The following OSBPL9 variants were observed in gnomAD, a reference collection of about 807,000 sequenced individuals.
OSBPL9 encodes oxysterol binding protein like 9, also known as oxysterol-binding protein-related protein 9.
In OSBPL9, 40 loss-of-function variants were observed where a neutral mutation model predicts 106.6. The ratio of observed to expected loss-of-function variants is 0.38; its 90% confidence interval spans 0.29 to 0.49. The LOEUF is 0.49. Ranked by LOEUF, OSBPL9 falls within the 20% of genes least tolerant of loss-of-function variation. OSBPL9 has a pLI of 0.97. For missense variants in OSBPL9, 609 were observed against 887.2 expected, an observed-to-expected ratio of 0.69 and a Z score of 3.98; for synonymous variants, 269 against 295.4, an observed-to-expected ratio of 0.91 and a Z score of 0.92.
At chr1:51,663,442 C>T (rs1647612138) in intron 2 of OSBPL9, among the ~76,000 whole-genome samples, 1 of 151,984 alleles carries the variant, frequency 6.6e-6, no homozygotes, top group Admixed American at 6.6e-5. Context: ...TTCCTCTGCC[C>T]CTTTGGGGAT....
chr1:51,713,605 A>T (rs115182001), intron 3 of OSBPL9, among the ~76,000 whole-genome samples: 1 of 152,202 alleles, frequency 6.6e-6, no homozygotes, highest in Admixed American at 6.5e-5. Flanking sequence ...CAATGCCTCC[A>T]TGAGAAGTGT....
At chr1:51,668,863 A>T (rs1166152930) in intron 2 of OSBPL9, among the ~76,000 whole-genome samples, 1 of 152,200 alleles carries the variant, frequency 6.6e-6, no homozygotes, top group Admixed American at 6.5e-5. Context: ...CTGTAGGAAG[A>T]TGCTGACATA....
intron 2 of OSBPL9, among the ~76,000 whole-genome samples, chr1:51,662,710 C>G (rs577437017): frequency 2.7e-5 from 4 of 150,422 alleles, no homozygotes; most frequent in Non-Finnish European, 5.9e-5. Context: ...GCAAGATAAG[C>G]AGATACAAAG....
At chr1:51,666,405 T>C (rs1648523103) in intron 2 of OSBPL9, among the ~76,000 whole-genome samples, 2 of 152,238 alleles carry the variant, frequency 1.3e-5, no homozygotes, top group South Asian at 2.1e-4. Flanking sequence ...AAAAGTGAAA[T>C]TGCTTGGTGT....
chr1:51,746,890 C>T (rs1668093385), intron 6 of OSBPL9, 133 bp downstream of exon 6: 1 of 631,478 alleles, frequency 1.6e-6, no homozygotes, highest in African/African-American at 1.9e-5. Context: ...GCCATATGGA[C>T]CTCAAGGGTA....
chr1:51,732,343 A>G (rs754959153), intron 4 of OSBPL9, among the ~76,000 whole-genome samples: 17 of 152,200 alleles, frequency 1.1e-4, no homozygotes, highest in Non-Finnish European at 2.2e-4. Context: ...TAGAGCGAAA[A>G]CAGATATTTA....
intron 3 of OSBPL9, among the ~76,000 whole-genome samples, chr1:51,701,774 T>C (rs1288082944): frequency 6.6e-6 from 1 of 152,204 alleles, no homozygotes; most frequent in African/African-American, 2.4e-5. Flanking sequence ...ATTAGGTATA[T>C]ATCCTAATGC....
intron 2 of OSBPL9, among the ~76,000 whole-genome samples, chr1:51,657,914 A>G (rs1456801694): frequency 1.3e-5 from 2 of 152,052 alleles, no homozygotes; most frequent in Admixed American, 6.6e-5. Context: ...CCTGGGCAAC[A>G]TAATGAGACC....
At chr1:51,538,767 T>C in the OSBPL9 span, 2 of 152,238 alleles carry the variant, frequency 1.3e-5, no homozygotes. Flanking sequence ...AATTCTTACT[T>C]AGACCACCCA....
At chr1:51,625,478 CAATT>C (rs1644712809) in intron 1 of OSBPL9, among the ~76,000 whole-genome samples, 2 of 151,502 alleles carry the variant, frequency 1.3e-5, no homozygotes, top group African/African-American at 2.4e-5. Context: ...CCACCCCAAT[CAATT>C]GTTTCCTTCT....
chr1:51,529,134 G>A, the OSBPL9 span, among the ~76,000 whole-genome samples: 2 of 152,138 alleles, frequency 1.3e-5, no homozygotes, highest in Non-Finnish European at 2.9e-5. Flanking sequence ...TAGCTTCTTT[G>A]TATAAATTGA....
At chr1:51,741,546 C>G (rs1666915606) in intron 4 of OSBPL9, among the ~76,000 whole-genome samples, 2 of 150,592 alleles carry the variant, frequency 1.3e-5, no homozygotes, top group South Asian at 2.1e-4. Context: ...ACTCCCTCCC[C>G]CAACCTCTCT....
At chr1:51,774,594 A>AGG (rs1399625274) in intron 14 of OSBPL9, among the ~76,000 whole-genome samples, 2 of 152,216 alleles carry the variant, frequency 1.3e-5, no homozygotes, top group African/African-American at 4.8e-5. Context: ...AACCTCACTC[A>AGG]GTCTTTAAAA....
intron 1 of OSBPL9, among the ~76,000 whole-genome samples, chr1:51,595,333 C>T (rs933888802): frequency 1.3e-5 from 2 of 152,152 alleles, no homozygotes; most frequent in Admixed American, 6.5e-5. Flanking sequence ...ATCTCTCTGT[C>T]CCTCCATCCT....
At chr1:51,745,298 A>G in intron 4 of OSBPL9, 1 of 453,956 alleles carries the variant, frequency 2.2e-6, no homozygotes, top group Non-Finnish European at 3.7e-6. Flanking sequence ...GAGTAAATCC[A>G]ATTTGAGCAG....
the OSBPL9 span, among the ~76,000 whole-genome samples, chr1:51,525,989 A>C: frequency 2.0e-5 from 3 of 151,974 alleles, no homozygotes; most frequent in African/African-American, 7.2e-5. Flanking sequence ...TGATCCTCCT[A>C]CCTCAGCCTC....
At chr1:51,540,883 T>C in the OSBPL9 span, among the ~76,000 whole-genome samples, 771 of 148,732 alleles carry the variant, frequency 5.2e-3, 8 homozygotes, top group African/African-American at 0.018. Context: ...TGCTTGAACC[T>C]GGGAGGTGGA....
intron 4 of OSBPL9, among the ~76,000 whole-genome samples, chr1:51,733,416 A>G (rs1664909284): frequency 6.6e-6 from 1 of 152,168 alleles, no homozygotes; most frequent in Non-Finnish European, 1.5e-5. Flanking sequence ...TAGGTCACCA[A>G]GCTCCCTGGT....
chr1:51,760,901 C>CA, intron 10 of OSBPL9, 121 bp downstream of exon 10: 1 of 1,062,626 alleles, frequency 9.4e-7, no homozygotes. Flanking sequence ...TAAAAGCACT[C>CA]AAAAAATAAT....
Sources: gnomAD v4.1 joint callset for allele counts (sites outside exome capture counted in the v4.1 genomes callset) on GRCh38, gnomAD v4.1.1 for gene constraint, MANE v1.5 for transcripts, NCBI Gene and HGNC (gene_info 2026-07-23, HGNC 2026-07-21) for gene names.